The following SPECC1L variants were observed in gnomAD, a reference collection of about 807,000 sequenced individuals.
SPECC1L encodes the protein cytospin-A.
In SPECC1L, 40 loss-of-function variants were observed where a neutral mutation model predicts 116.8. The observed-to-expected ratio is 0.34, with a 90% CI of 0.27 to 0.45. The LOEUF is 0.45. SPECC1L is among the 20% of genes least tolerant of loss of function. The probability of loss-of-function intolerance (pLI) is 1.00; values close to 1 mark genes in which losing one functional copy is unlikely to be tolerated. For synonymous variants in SPECC1L, 504 were observed against 500.6 expected (o/e 1.01, Z -0.09); for missense variants, 1,110 against 1,373.6 (o/e 0.81, Z 3.03).
At chr22:24,403,314 A>G (rs968380190) in intron 14 of SPECC1L, among the ~76,000 whole-genome samples, 3 of 152,192 alleles carry the variant, frequency 2.0e-5, no homozygotes, top group African/African-American at 7.2e-5. Context: ...AATTGACCTG[A>G]AAAAAACTAA....
rs186338745 is a variant in SPECC1L at position 24,300,671 on chromosome 22, T to G, written c.-37-1524T>G. ...ACTTTTTAATCATTGCAATTCTGAC[T>G]GGCATGAGATGTTATCTCATTGTGG... On this transcript the variant is annotated intron_variant, in intron 2 of 16. Coordinates refer to ENST00000314328, the MANE Select transcript of SPECC1L (RefSeq NM_015330.6). Among the ~76,000 whole-genome samples the G allele has an allele frequency of 1.3e-4, 20 of 152,340 alleles. No individual in the cohort carries two copies. The East Asian group carries it at 2.9e-3, about 22-fold the overall frequency.
At chr22:24,399,628 G>A (rs115740156) in intron 14 of SPECC1L, among the ~76,000 whole-genome samples, 1,587 of 152,240 alleles carry the variant, frequency 0.01, 31 homozygotes, top group African/African-American at 0.036. Context: ...TATAGATTTT[G>A]TTTTTGTGAA....
At chr22:24,340,836 G>A (rs1039750593) in intron 10 of SPECC1L, among the ~76,000 whole-genome samples, 2 of 152,160 alleles carry the variant, frequency 1.3e-5, no homozygotes, top group Non-Finnish European at 2.9e-5. Flanking sequence ...GCTTGGGATT[G>A]TTAGTTTTTC....
chr22:24,291,189 A>G (rs1003540430), intron 2 of SPECC1L, among the ~76,000 whole-genome samples: 5 of 152,226 alleles, frequency 3.3e-5, no homozygotes, highest in Non-Finnish European at 7.3e-5. Flanking sequence ...ATTGATAGGC[A>G]TAAAAAGTCA....
chr22:24,281,224 G>C (rs1723900596), intron 2 of SPECC1L, among the ~76,000 whole-genome samples: 1 of 152,180 alleles, frequency 6.6e-6, no homozygotes, highest in Admixed American at 6.5e-5. Flanking sequence ...CATTTACAAA[G>C]TAGAGAGAAA....
At chr22:24,272,070 A>G (rs573536946) in intron 1 of SPECC1L, among the ~76,000 whole-genome samples, 7 of 152,320 alleles carry the variant, frequency 4.6e-5, no homozygotes, top group Admixed American at 2.6e-4. Flanking sequence ...AAGGGACTAT[A>G]GTAATTTTTT....
chr22:24,334,483 G>A lies in SPECC1L; in HGVS notation c.2470G>A (p.Gly824Arg). The A allele has an allele frequency of 6.2e-7, 1 of 1,614,138 alleles. No homozygotes were observed. The highest frequency in any genetic ancestry group is 8.5e-7 in the Non-Finnish European group (1 of 1,180,028). Residue 824 changes from glycine (G) to arginine (R), a missense_variant, in exon 9 of 17, where the codon GGA becomes AGA. Physicochemically the swap from Gly to Arg is moderately radical, Grantham distance 125. Transcript: ENST00000314328. ...GAGAGATTTGGCAGCCTTAAGGCAG[G>A]GAATGGGACTGAGTAGAAGGTCCTC... ...VERDLAALRQGMGLSRRSSTS... is the reference protein window; with the variant it reads ...VERDLAALRQRMGLSRRSSTS...
intron 11 of SPECC1L, among the ~76,000 whole-genome samples, chr22:24,347,406 C>T (rs2041319564): frequency 6.6e-6 from 1 of 152,116 alleles, no homozygotes; most frequent in South Asian, 2.1e-4. Context: ...AGAGTGTACA[C>T]CATTGCTAGG....
chr22:24,363,141 G>C (rs1401319576), intron 11 of SPECC1L, 120 bp from the exon 12 acceptor site: 7 of 870,828 alleles, frequency 8.0e-6, no homozygotes, highest in Non-Finnish European at 1.1e-5. Context: ...GAAGTTCCCT[G>C]GATTGGGAAG....
chr22:24,360,268 G>A (rs1251303636), intron 11 of SPECC1L, among the ~76,000 whole-genome samples: 1 of 152,216 alleles, frequency 6.6e-6, no homozygotes, highest in Non-Finnish European at 1.5e-5. Context: ...AAATGGACCT[G>A]TGTTCTTACT....
At chr22:24,328,721 A>G in intron 6 of SPECC1L, 125 bp from the exon 7 acceptor site, 1 of 663,742 alleles carries the variant, frequency 1.5e-6, no homozygotes, top group Non-Finnish European at 2.6e-6. Flanking sequence ...TTGTATTAAA[A>G]TTTTTTATAG....
chr22:24,334,332 T>C (rs1054578564), intron 8 of SPECC1L, 78 bp from the exon 9 acceptor site: 16 of 1,496,264 alleles, frequency 1.1e-5, no homozygotes, highest in South Asian at 3.4e-5. Flanking sequence ...TAGTTTTTAA[T>C]GCCTTTCAGC....
chr22:24,311,008 T>TTTTC (rs1417493503), intron 3 of SPECC1L, among the ~76,000 whole-genome samples: 2 of 152,200 alleles, frequency 1.3e-5, no homozygotes, highest in Non-Finnish European at 2.9e-5. Context: ...CCTAGCACCA[T>TTTTC]TTTCTGGAAA....
At chr22:24,330,121 C>A in intron 7 of SPECC1L, 135 bp from the exon 8 acceptor site, 1 of 854,414 alleles carries the variant, frequency 1.2e-6, no homozygotes, top group Non-Finnish European at 1.9e-6. Flanking sequence ...TAGCAATTCT[C>A]TGGGATTAAA....
intron 13 of SPECC1L, among the ~76,000 whole-genome samples, chr22:24,368,853 G>A (rs2041822098): frequency 6.6e-6 from 1 of 152,124 alleles, no homozygotes; most frequent in African/African-American, 2.4e-5. Flanking sequence ...CACCATGTTG[G>A]CCAGGCTGAT....
intron 6 of SPECC1L, among the ~76,000 whole-genome samples, chr22:24,325,389 G>A (rs1601556643): frequency 6.7e-6 from 1 of 150,090 alleles, no homozygotes; most frequent in Non-Finnish European, 1.5e-5. Context: ...TTGTTTCCAG[G>A]AAAAAAAAAT....
rs1241690139 is a variant in SPECC1L at position 24,324,421 on chromosome 22, C to A, written c.2140C>A (p.Leu714Ile). The A allele has an allele frequency of 1.9e-6, 3 of 1,612,608 alleles. No individual in the cohort carries two copies. The highest frequency in any genetic ancestry group is 2.5e-6 in the Non-Finnish European group (3 of 1,178,666). ...TCATGACAACCTCATTATTTCTGAT[C>A]TAGAGAGTAAGTGATAAGAACTTTT... ...KLHDNLIISD[L>I]ENTVKKLQDQ... The change falls in exon 6 of 17, where the codon CTA becomes ATA. Residue 714 changes from leucine (L) to isoleucine (I), a missense_variant. Leu to Ile is a conservative substitution (Grantham distance 5, BLOSUM62 2). This residue lies in a region of SPECC1L where 575 missense variants were observed against 682.4 expected (regional missense o/e 0.84). Coordinates refer to ENST00000314328, the MANE Select transcript of SPECC1L (RefSeq NM_015330.6).
At chr22:24,273,234 TA>T (rs1330571329) in intron 1 of SPECC1L, among the ~76,000 whole-genome samples, 2 of 152,226 alleles carry the variant, frequency 1.3e-5, no homozygotes, top group African/African-American at 4.8e-5. Context: ...ACTTAAGTGA[TA>T]GTATCAAAAT....
intron 4 of SPECC1L, among the ~76,000 whole-genome samples, chr22:24,320,369 A>G (rs1332052888): frequency 1.3e-5 from 2 of 152,238 alleles, no homozygotes; most frequent in Non-Finnish European, 2.9e-5. Context: ...TTAAAATTTT[A>G]GTAGTTAAGT....
Sources: allele counts gnomAD v4.1 joint callset (sites outside exome capture counted in the v4.1 genomes callset), GRCh38; gene constraint gnomAD v4.1.1; regional missense constraint gnomAD v4.1.1; transcripts MANE v1.5; gene names NCBI Gene and HGNC (gene_info 2026-07-23, HGNC 2026-07-21).